The following BORCS8 variants were observed in gnomAD, a reference collection of about 807,000 sequenced individuals.
The protein encoded by BORCS8 is BLOC-1-related complex subunit 8.
Under a neutral mutation model 18.7 loss-of-function variants are expected in BORCS8, and 13 were observed. The observed-to-expected ratio is 0.70, with a 90% CI of 0.45 to 1.11. The LOEUF (loss-of-function observed/expected upper bound fraction) is 1.11, where lower values mean the gene tolerates loss of function less well. BORCS8 is among the 50% of genes least tolerant of loss of function. The probability of loss-of-function intolerance (pLI) is 0.00; values close to 1 mark genes in which losing one functional copy is unlikely to be tolerated. For missense variants in BORCS8, 165 were observed against 165.7 expected (o/e 1.00, Z 0.02); for synonymous variants, 68 against 64.8 (o/e 1.05, Z -0.24).
At chr19:19,180,349 G>A in intron 5 of BORCS8, 2 of 350,352 alleles carry the variant, frequency 5.7e-6, no homozygotes, top group South Asian at 6.3e-5. Flanking sequence ...GGGTAAAGCA[G>A]GCTGCTGGCA....
Position 19,186,976 on chromosome 19 carries a change from C to A in BORCS8, c.67G>T (p.Val23Phe). ...VTDKFTESVYVLANEPSVALY... is the reference protein window; with the variant it reads ...VTDKFTESVYFLANEPSVALY... ...GCCACGGATGGCTCGTTGGCCAGGA[C>A]GTAGACGCTCTCAGTGAACTTGTCC... The change falls in exon 2 of 6, where the codon GTC becomes TTC. Residue 23 changes from valine to phenylalanine, a missense_variant. Coordinates refer to ENST00000462790, the MANE Select transcript of BORCS8 (RefSeq NM_001145784.2). The A allele has an allele frequency of 1.3e-6, 2 of 1,551,350 alleles. No individual in the cohort carries two copies. Among genetic ancestry groups the A allele is most frequent in the Non-Finnish European group, 1.7e-6 (2 of 1,146,878 alleles).
At chr19:19,187,032 G>T in intron 1 of BORCS8, 27 bp from the exon 2 acceptor site, 1 of 1,515,906 alleles carries the variant, frequency 6.6e-7, no homozygotes. Context: ...GGGATGGGGC[G>T]GGTGTGGGGA....
At chr19:19,190,935 A>G (rs1040184179) in intron 1 of BORCS8, among the ~76,000 whole-genome samples, 2 of 151,748 alleles carry the variant, frequency 1.3e-5, no homozygotes, top group Non-Finnish European at 1.5e-5. Context: ...AAAATTCCAC[A>G]AAGTTTCAAA....
intron 4 of BORCS8, among the ~76,000 whole-genome samples, chr19:19,181,713 T>A (rs139867748): frequency 5.5e-4 from 84 of 152,314 alleles, no homozygotes; most frequent in African/African-American, 1.9e-3. Flanking sequence ...TACACTCCCA[T>A]TCTTACACAT....
At chr19:19,191,914 C>G (rs990731080) in intron 1 of BORCS8, among the ~76,000 whole-genome samples, 167 bp downstream of exon 1, 1 of 152,216 alleles carries the variant, frequency 6.6e-6, no homozygotes, top group Admixed American at 6.5e-5. Context: ...GTAATTAAAG[C>G]AGACACGGAG....
chr19:19,191,750 T>G (rs1156432798), intron 1 of BORCS8, among the ~76,000 whole-genome samples: 1 of 151,766 alleles, frequency 6.6e-6, no homozygotes, highest in Non-Finnish European at 1.5e-5. Flanking sequence ...CGGCTAATTT[T>G]TGTATTTTTT....
intron 1 of BORCS8, among the ~76,000 whole-genome samples, chr19:19,187,608 G>A (rs568064295): frequency 3.5e-5 from 5 of 143,572 alleles, no homozygotes; most frequent in Non-Finnish European, 6.1e-5. Context: ...GTGCAATCTC[G>A]GCTCACCACA....
At chr19:19,188,372 G>C (rs1599760501) in intron 1 of BORCS8, among the ~76,000 whole-genome samples, 1 of 152,052 alleles carries the variant, frequency 6.6e-6, no homozygotes, top group East Asian at 1.9e-4. Flanking sequence ...GGCCCAGGCT[G>C]GTCCTGAACT....
At chr19:19,184,536 T>A (rs931942114) in intron 3 of BORCS8, among the ~76,000 whole-genome samples, 1 of 151,626 alleles carries the variant, frequency 6.6e-6, no homozygotes, top group Admixed American at 6.6e-5. Flanking sequence ...TCTCCTGAGC[T>A]CATGATCCGC....
At position 19,186,837 on chromosome 19, in the gene BORCS8, C is replaced by T. The variant is rs530361103; in HGVS notation, c.150+56G>A. ...CACCACATGCCTCCTTGCTGGTGTCCCAGCCTTGACTCCTGCCCTGACAGC... is the reference window on the plus strand; with the variant it reads ...CACCACATGCCTCCTTGCTGGTGTCTCAGCCTTGACTCCTGCCCTGACAGC... On this transcript the variant is annotated intron_variant, in intron 2 of 5. Coordinates refer to ENST00000462790, the MANE Select transcript of BORCS8 (RefSeq NM_001145784.2). 176 of 1,313,902 alleles carry T rather than the reference C, an allele frequency of 1.3e-4. No homozygotes were observed. In the African/African-American group the frequency reaches 2.3e-3, roughly 17 times the overall value. 81.4% of individuals were successfully genotyped at this position (1,313,902 alleles called of 1,614,324 possible). A position where few individuals can be genotyped will look rare whatever the true frequency, so the allele number is the denominator to read the frequency against.
At position 19,182,745 on chromosome 19, in the gene BORCS8, A is replaced by T; in HGVS notation, c.216-62T>A. The T allele has an allele frequency of 6.7e-7, 1 of 1,492,750 alleles. No homozygotes were observed. Among genetic ancestry groups the T allele is most frequent in the South Asian group, 1.3e-5 (1 of 78,432 alleles). 92.5% of individuals were successfully genotyped at this position (1,492,750 alleles called of 1,614,324 possible). A position where few individuals can be genotyped will look rare whatever the true frequency, so the allele number is the denominator to read the frequency against. On this transcript the variant is annotated intron_variant, in intron 3 of 5. Transcript: ENST00000462790. The surrounding 1 kb of genome is among the most constrained non-coding windows in gnomAD (Gnocchi z 4.1). Reference sequence around the variant, plus strand: ...CCTGCAGGTAACTGTCCCACACCCCAGCACTTGAGGTCACCACCAGGGCTC... The same window carrying T: ...CCTGCAGGTAACTGTCCCACACCCCTGCACTTGAGGTCACCACCAGGGCTC...
rs767678642 is a variant in BORCS8, at chr19:19,192,100, C to CGAG, written c.17_18insCTC (p.Met6delinsIleSer). 1.9e-5 allele frequency: 30 copies of CGAG among 1,551,372 alleles called. No homozygotes were observed. Among genetic ancestry groups the CGAG allele is most frequent in the Non-Finnish European group, 2.6e-5 (30 of 1,146,908 alleles). ...CACCACCTTTCTTCCCCTTGAGCTG[C>CGAG]ATCTCCGGCTCCTCCATAGCGACCG... On this transcript the variant is annotated protein_altering_variant, in exon 1 of 6. Transcript: ENST00000462790.
chr19:19,189,552 C>G (rs2060445769), intron 1 of BORCS8, among the ~76,000 whole-genome samples: 1 of 152,176 alleles, frequency 6.6e-6, no homozygotes, highest in Non-Finnish European at 1.5e-5. Flanking sequence ...ACCCCTGGCT[C>G]TTCCTTGGAC....
chr19:19,191,581 GTT>G (rs949493011), intron 1 of BORCS8, among the ~76,000 whole-genome samples: 1 of 143,224 alleles, frequency 7.0e-6, no homozygotes, highest in Non-Finnish European at 1.5e-5. Flanking sequence ...AGGTTGTTGA[GTT>G]TTTTTTTTTT....
At chr19:19,180,368 G>T (rs1167085774) in intron 5 of BORCS8, 8 of 410,082 alleles carry the variant, frequency 2.0e-5, no homozygotes, top group Non-Finnish European at 3.1e-5. Flanking sequence ...CACGTGGTAG[G>T]ATAGAGGAAA....
chr19:19,182,635 C>T lies in BORCS8; in HGVS notation c.264G>A (p.Glu88=), dbSNP rs2060360132. ...VDSSVYFRSV[E]GLLKQAISIR... is the part of the protein sequence containing the mutation. ...TGCTGATGGCCTGTTTGAGCAGACC[C>T]TCCACGCTGCGGAAGTAGACGCTGC... The change falls in exon 4 of 6, where the codon GAG becomes GAA. Residue 88 remains glutamate, a synonymous_variant. Transcript: ENST00000462790. The surrounding 1 kb of genome is among the most constrained non-coding windows in gnomAD (Gnocchi z 4.1). 6.4e-7 allele frequency: 1 copy of T among 1,551,338 alleles called. No individual in the cohort carries two copies. The highest frequency in any genetic ancestry group is 8.7e-7 in the Non-Finnish European group (1 of 1,146,944).
chr19:19,180,713 G>A lies in BORCS8; in HGVS notation c.*15C>T, dbSNP rs774240886. ...GGGTTGGCGGAGGCTGGGGGGCCCC[G>A]AGTCTCTTCCAGGATCAGGCTGAGG... On this transcript the variant is annotated 3_prime_UTR_variant, in exon 5 of 6. Transcript: ENST00000462790. 6.3e-5 allele frequency: 97 copies of A among 1,549,968 alleles called. No homozygotes were observed. Among genetic ancestry groups the A allele is most frequent in the East Asian group, 2.0e-4 (8 of 40,920 alleles).
Position 19,182,214 on chromosome 19 carries a change from G to GT in BORCS8, c.326+358dup, listed in dbSNP as rs2060356133. On this transcript the variant is annotated intron_variant, in intron 4 of 5. Coordinates refer to ENST00000462790, the MANE Select transcript of BORCS8 (RefSeq NM_001145784.2). This position sits in a 1 kb window ranked among gnomAD's most constrained non-coding sequence, Gnocchi z 4.1. ...GCCCCCGGATCGTCTCTGTCTGCAT[G>GT]TAACTCATGCCACCTCCTAGGAGGG... The GT allele has an allele frequency of 2.5e-6, 1 of 396,406 alleles. No individual in the cohort carries two copies. Among genetic ancestry groups the GT allele is most frequent in the Non-Finnish European group, 3.5e-6 (1 of 282,082 alleles). 24.6% of individuals were successfully genotyped at this position (396,406 alleles called of 1,614,324 possible). A position where few individuals can be genotyped will look rare whatever the true frequency, so the allele number is the denominator to read the frequency against.
At chr19:19,180,151 C>T (rs1599750908) in intron 5 of BORCS8, 1 of 161,634 alleles carries the variant, frequency 6.2e-6, no homozygotes, top group African/African-American at 2.4e-5. Context: ...TGCTCCAAAG[C>T]ACATCCGTCA....
Sources: gnomAD v4.1 joint callset for allele counts (sites outside exome capture counted in the v4.1 genomes callset) on GRCh38, gnomAD v4.1.1 for gene constraint, Gnocchi (gnomAD v3.1) non-coding constraint, MANE v1.5 for transcripts, NCBI Gene and HGNC (gene_info 2026-07-23, HGNC 2026-07-21) for gene names.